DDAH1: variants seen among roughly 807,000 people sequenced by gnomAD.
DDAH1 encodes N(G),N(G)-dimethylarginine dimethylaminohydrolase 1.
A neutral mutation model predicts 28.8 loss-of-function variants in DDAH1; 19 were observed. The observed-to-expected ratio is 0.66, with a 90% CI of 0.46 to 0.97. DDAH1 has a LOEUF of 0.97. Among genes scored for constraint, DDAH1 ranks in the 50% least tolerant of loss-of-function variants. The pLI is 0.00. For synonymous variants in DDAH1, 153 were observed against 154.4 expected, an observed-to-expected ratio of 0.99 and a Z score of 0.07; for missense variants, 326 against 375.9, an observed-to-expected ratio of 0.87 and a Z score of 1.10.
chr1:85,466,829 A>AT (rs1158919618), upstream of DDAH1, among the ~76,000 whole-genome samples: 6 of 46,566 alleles, frequency 1.3e-4, no homozygotes, highest in East Asian at 1.2e-3. Context: ...TTCATTATTT[A>AT]TTCTTTTTTT....
chr1:85,347,880 A>G (rs931081080), intron 4 of DDAH1, among the ~76,000 whole-genome samples: 4 of 152,178 alleles, frequency 2.6e-5, no homozygotes, highest in Admixed American at 2.6e-4. Flanking sequence ...AGTTTCACCA[A>G]CCCATTTCGA....
At chr1:85,378,186 G>C (rs757888094) in intron 1 of DDAH1, among the ~76,000 whole-genome samples, 1 of 152,146 alleles carries the variant, frequency 6.6e-6, no homozygotes, top group Non-Finnish European at 1.5e-5. Flanking sequence ...GATAGAGCAG[G>C]TGTAAGCTAT....
At chr1:85,479,518 T>G (rs1315785504) in intron 2 of DDAH1, among the ~76,000 whole-genome samples, 2 of 152,238 alleles carry the variant, frequency 1.3e-5, no homozygotes, top group African/African-American at 4.8e-5. Context: ...AAATGCTTAA[T>G]TAAATTAAAC....
intron 1 of DDAH1, among the ~76,000 whole-genome samples, chr1:85,496,452 A>C (rs1656598220): frequency 6.6e-6 from 1 of 152,248 alleles, no homozygotes. Flanking sequence ...ACTTTAACTC[A>C]CAACTGAGTA....
chr1:85,510,678 A>G (rs900528554), intron 1 of DDAH1, among the ~76,000 whole-genome samples: 3 of 152,180 alleles, frequency 2.0e-5, no homozygotes, highest in African/African-American at 7.2e-5. Context: ...ATGGAAAGCA[A>G]AAAAAAGCAG....
intron 1 of DDAH1, among the ~76,000 whole-genome samples, chr1:85,558,114 C>G (rs1276893056): frequency 1.3e-5 from 2 of 150,502 alleles, no homozygotes; most frequent in African/African-American, 4.9e-5. Context: ...TGCCTGTAAT[C>G]CCAGCACTTT....
intron 4 of DDAH1, among the ~76,000 whole-genome samples, chr1:85,334,790 A>G (rs749054186): frequency 6.6e-6 from 1 of 152,192 alleles, no homozygotes; most frequent in Admixed American, 6.5e-5. Flanking sequence ...ATGGATTACT[A>G]TAGCATCTAG....
intron 4 of DDAH1, among the ~76,000 whole-genome samples, chr1:85,336,618 C>A (rs540486428): frequency 1.8e-4 from 28 of 151,686 alleles, no homozygotes; most frequent in Non-Finnish European, 3.2e-4. Context: ...TAATGTTGCA[C>A]CTCAAGGAAC....
intron 2 of DDAH1, among the ~76,000 whole-genome samples, chr1:85,483,106 C>T (rs1246691477): frequency 2.8e-5 from 4 of 140,948 alleles, no homozygotes; most frequent in African/African-American, 5.0e-5. Flanking sequence ...CCCAGCTACT[C>T]GGAAGGCTTA....
intron 1 of DDAH1, among the ~76,000 whole-genome samples, chr1:85,435,963 TGTG>T (rs1653921852): frequency 6.7e-6 from 1 of 149,150 alleles, no homozygotes. Flanking sequence ...GCTAATTTTG[TGTG>T]TGTGTGTGTG....
intron 4 of DDAH1, among the ~76,000 whole-genome samples, chr1:85,333,761 CA>C (rs1231318600): frequency 6.6e-6 from 1 of 150,990 alleles, no homozygotes; most frequent in Non-Finnish European, 1.5e-5. Flanking sequence ...GAAAAAAAAA[CA>C]AGAAAGAAGA....
chr1:85,505,787 T>C (rs1656993242), intron 1 of DDAH1, among the ~76,000 whole-genome samples: 1 of 152,336 alleles, frequency 6.6e-6, no homozygotes, highest in Admixed American at 6.5e-5. Context: ...CCTGACTTCC[T>C]ACAATAGACA....
chr1:85,416,299 G>A (rs1420550670), intron 1 of DDAH1, among the ~76,000 whole-genome samples: 1 of 151,722 alleles, frequency 6.6e-6, no homozygotes, highest in Non-Finnish European at 1.5e-5. Flanking sequence ...GGGTTCAAGC[G>A]ATTCTCCTGC....
chr1:85,451,123 C>T (rs1430489687), intron 1 of DDAH1, among the ~76,000 whole-genome samples: 4 of 152,168 alleles, frequency 2.6e-5, no homozygotes, highest in Non-Finnish European at 4.4e-5. Flanking sequence ...TCTTACCATC[C>T]TCCTGGCATG....
chr1:85,357,743 A>G (rs1214846594), intron 2 of DDAH1, among the ~76,000 whole-genome samples: 4 of 152,212 alleles, frequency 2.6e-5, no homozygotes, highest in Admixed American at 2.6e-4. Flanking sequence ...CTATAAATTA[A>G]AATTACTATT....
chr1:85,347,832 T>C lies in DDAH1; in HGVS notation c.597+2583A>G, dbSNP rs925848943. Among the ~76,000 whole-genome samples, 6 of 152,136 alleles carry C rather than the reference T, an allele frequency of 3.9e-5. No individual in the cohort carries two copies. In the South Asian group the frequency reaches 8.3e-4, roughly 21 times the overall value. ...GGTTGTAACATAGAAACCAAACTGC[T>C]CTCAAATAAATAAAGCAGCTGAGTT... is the stretch of plus-strand genomic sequence containing the variant. On this transcript the variant is annotated intron_variant, in intron 4 of 5. Coordinates refer to ENST00000284031, the MANE Select transcript of DDAH1 (RefSeq NM_012137.4).
At chr1:85,374,107 A>C (rs1227675362) in intron 1 of DDAH1, among the ~76,000 whole-genome samples, 1 of 152,016 alleles carries the variant, frequency 6.6e-6, no homozygotes, top group African/African-American at 2.4e-5. Context: ...TACTAACGTG[A>C]CTCTAGATAG....
chr1:85,500,617 G>A (rs896543011), intron 1 of DDAH1, among the ~76,000 whole-genome samples: 1 of 151,916 alleles, frequency 6.6e-6, no homozygotes, highest in African/African-American at 2.4e-5. Flanking sequence ...CACCAAATTG[G>A]GAATTTTTTC....
At chr1:85,465,192 C>G (rs1354763649), upstream of DDAH1, 5 of 1,133,664 alleles carry the variant, frequency 4.4e-6, no homozygotes, top group Non-Finnish European at 1.1e-6. Flanking sequence ...CGCCCGGAGC[C>G]CTGCCCGCGC....
Sources: gnomAD v4.1 joint callset for allele counts (sites outside exome capture counted in the v4.1 genomes callset) on GRCh38, gnomAD v4.1.1 for gene constraint, MANE v1.5 for transcripts, NCBI Gene and HGNC (gene_info 2026-07-23, HGNC 2026-07-21) for gene names.